WRN: variants seen among roughly 807,000 people sequenced by gnomAD.
WRN encodes bifunctional 3'-5' exonuclease/ATP-dependent helicase WRN.
WRN carries 149 observed loss-of-function variants against 180.7 expected under a neutral mutation model. The observed-to-expected ratio is 0.82, with a 90% CI of 0.72 to 0.94. The LOEUF (loss-of-function observed/expected upper bound fraction) is 0.94, where lower values mean the gene tolerates loss of function less well. Among genes scored for constraint, WRN ranks in the 40% least tolerant of loss-of-function variants. The pLI, the probability that WRN is intolerant of heterozygous loss-of-function variation, is 0.00. For missense variants in WRN, 1,661 were observed against 1,700.1 expected (o/e 0.98, Z 0.40); for synonymous variants, 548 against 568.9 (o/e 0.96, Z 0.52).
At chr8:31,149,133 ACG>A (rs1802987984) in intron 30 of WRN, among the ~76,000 whole-genome samples, 1 of 152,138 alleles carries the variant, frequency 6.6e-6, no homozygotes, top group Non-Finnish European at 1.5e-5. Flanking sequence ...GCTGTGGCTC[ACG>A]CTTGTAAATC....
intron 34 of WRN, among the ~76,000 whole-genome samples, chr8:31,172,475 A>G (rs190486803): frequency 2.3e-3 from 349 of 151,978 alleles, no homozygotes; most frequent in African/African-American, 7.9e-3. Context: ...AGAAACTTTT[A>G]TTTTTTTCAT....
intron 23 of WRN, among the ~76,000 whole-genome samples, chr8:31,130,026 A>AAAAAAAAAAC (rs1802096723): frequency 7.4e-6 from 1 of 135,216 alleles, no homozygotes; most frequent in African/African-American, 3.3e-5. Context: ...AAAACAAAAC[A>AAAAAAAAAAC]AAAAAAAAAA....
intron 7 of WRN, among the ~76,000 whole-genome samples, chr8:31,071,512 C>T (rs1024127761): frequency 1.3e-5 from 2 of 152,072 alleles, no homozygotes; most frequent in Non-Finnish European, 2.9e-5. Flanking sequence ...TTTTGAGTCT[C>T]ACTCTGTCAC....
At chr8:31,133,375 A>T (rs920199141) in intron 24 of WRN, among the ~76,000 whole-genome samples, 1 of 152,100 alleles carries the variant, frequency 6.6e-6, no homozygotes, top group South Asian at 2.1e-4. Flanking sequence ...CGAATGCTTC[A>T]TGTAAATACT....
intron 1 of WRN, among the ~76,000 whole-genome samples, chr8:31,040,605 A>T (rs1012878760): frequency 6.6e-6 from 1 of 152,236 alleles, no homozygotes; most frequent in African/African-American, 2.4e-5. Context: ...CTGCCGGTAC[A>T]TTGACTCAGA....
chr8:31,136,511 A>G (rs1332778406), intron 24 of WRN, among the ~76,000 whole-genome samples: 2 of 152,050 alleles, frequency 1.3e-5, no homozygotes, highest in African/African-American at 4.8e-5. Context: ...TTTTCTATTT[A>G]TTGTGCTGTA....
At chr8:31,156,243 TGTTA>T (rs1291770935) in intron 32 of WRN, among the ~76,000 whole-genome samples, 1 of 152,224 alleles carries the variant, frequency 6.6e-6, no homozygotes, top group African/African-American at 2.4e-5. Flanking sequence ...GGGTTTCATG[TGTTA>T]GTTTATGTAT....
chr8:31,121,626 G>A (rs1178674076), intron 21 of WRN, among the ~76,000 whole-genome samples: 13 of 151,930 alleles, frequency 8.6e-5, no homozygotes, highest in Admixed American at 8.5e-4. Context: ...ATTGCACTGA[G>A]TAGTAAGAAT....
At chr8:31,057,493 C>T (rs1046914639) in intron 1 of WRN, among the ~76,000 whole-genome samples, 6 of 152,106 alleles carry the variant, frequency 3.9e-5, no homozygotes, top group Non-Finnish European at 8.8e-5. Flanking sequence ...ATGGCATGAA[C>T]CCAGGAGGCA....
intron 1 of WRN, among the ~76,000 whole-genome samples, chr8:31,052,906 T>A (rs1812131463): frequency 6.6e-6 from 1 of 152,270 alleles, no homozygotes; most frequent in African/African-American, 2.4e-5. Context: ...GGCTGCTATT[T>A]TTTTCCTGCC....
chr8:31,130,010 A>AAAAC (rs1554530232), intron 23 of WRN, among the ~76,000 whole-genome samples: 10 of 118,490 alleles, frequency 8.4e-5, no homozygotes, highest in African/African-American at 2.5e-4. Context: ...GTCTCAAAAA[A>AAAAC]AAAACAAAAC....
intron 1 of WRN, among the ~76,000 whole-genome samples, chr8:31,039,913 T>C (rs765385802): frequency 6.6e-6 from 1 of 152,214 alleles, no homozygotes; most frequent in Non-Finnish European, 1.5e-5. Context: ...TTATGTTATA[T>C]AGTCCTTTAA....
rs886062888 is a variant in WRN at position 31,100,961 on chromosome 8, C to T, written c.2088+6C>T. The stretch of plus-strand genomic sequence containing the variant: ...TAAAGACAGCACTGCCAATGGTAAG[C>T]TTTGCCAAGTCTGATGTCCCGAAAT... On this transcript the variant is annotated splice_donor_region_variant and intron_variant, in intron 18 of 34. Transcript: ENST00000298139. The T allele has an allele frequency of 2.0e-5, 32 of 1,611,254 alleles. No individual in the cohort carries two copies. Among genetic ancestry groups the T allele is most frequent in the Non-Finnish European group, 2.5e-5 (30 of 1,177,744 alleles).
At chr8:31,148,287 G>A (rs1017331036) in intron 30 of WRN, among the ~76,000 whole-genome samples, 13 of 152,042 alleles carry the variant, frequency 8.6e-5, no homozygotes, top group African/African-American at 2.4e-4. Context: ...CGTTAATTCT[G>A]ACTGTTTTCC....
chr8:31,081,376 A>G (rs1218478909), intron 9 of WRN, 80 bp downstream of exon 9: 2 of 1,477,102 alleles, frequency 1.4e-6, no homozygotes. Context: ...ACAGATAGTA[A>G]ATATTTTAGG....
intron 7 of WRN, among the ~76,000 whole-genome samples, chr8:31,070,960 C>T (rs369644731): frequency 2.0e-5 from 3 of 150,520 alleles, no homozygotes; most frequent in South Asian, 2.1e-4. Flanking sequence ...GCAGGAGAAT[C>T]GCTTTAATCT....
At chr8:31,166,356 A>G (rs985495786) in intron 33 of WRN, among the ~76,000 whole-genome samples, 1 of 152,150 alleles carries the variant, frequency 6.6e-6, no homozygotes, top group Non-Finnish European at 1.5e-5. Flanking sequence ...TGGCTTGCCT[A>G]TAGGAGGGTG....
chr8:31,160,820 C>G (rs1803582738), intron 33 of WRN, among the ~76,000 whole-genome samples: 1 of 152,032 alleles, frequency 6.6e-6, no homozygotes, highest in African/African-American at 2.4e-5. Flanking sequence ...CCCGTCTCTA[C>G]TAAAAATACC....
At position 31,124,586 on chromosome 8, in the gene WRN, A is replaced by T. The variant is rs1225450393; in HGVS notation, c.2695A>T (p.Met899Leu). The change falls in exon 22 of 35, where the codon ATG becomes TTG. Residue 899 changes from methionine (M) to leucine (L), a missense_variant. Met to Leu is a conservative substitution (Grantham distance 15). Around this residue, in one of 3 missense-constraint regions of WRN, gnomAD observed 1,141 missense variants for 1,149.4 expected, o/e 0.99. Coordinates refer to ENST00000298139, the MANE Select transcript of WRN (RefSeq NM_000553.6). ...ATACAAATTAAAGATGATGGCAAAG[A>T]TGGAAAAATATCTTCATTCTAGCAG... is the stretch of plus-strand genomic sequence containing the variant. ...RLYKLKMMAK[M>L]EKYLHSSRCR... 6.2e-7 allele frequency: 1 copy of T among 1,612,810 alleles called. No individual in the cohort carries two copies. Among genetic ancestry groups the T allele is most frequent in the East Asian group, 2.2e-5 (1 of 44,740 alleles).
Sources: allele counts gnomAD v4.1 joint callset (sites outside exome capture counted in the v4.1 genomes callset), GRCh38; gene constraint gnomAD v4.1.1; regional missense constraint gnomAD v4.1.1; transcripts MANE v1.5; gene names NCBI Gene and HGNC (gene_info 2026-07-23, HGNC 2026-07-21).